The following PIWIL3 variants were observed in gnomAD, a reference collection of about 807,000 sequenced individuals.
PIWIL3 encodes piwi like RNA-mediated gene silencing 3, also known as piwi-like protein 3.
PIWIL3 carries 101 observed loss-of-function variants against 109.7 expected under a neutral mutation model. That is an observed-to-expected ratio of 0.92 (90% CI 0.78 to 1.09). The LOEUF is 1.09. PIWIL3 is among the 50% of genes least tolerant of loss of function. The probability of loss-of-function intolerance (pLI) is 0.00; values close to 1 mark genes in which losing one functional copy is unlikely to be tolerated. For synonymous variants in PIWIL3, 373 were observed against 376.4 expected, an observed-to-expected ratio of 0.99 and a Z score of 0.10; for missense variants, 1,031 against 1,072.6, an observed-to-expected ratio of 0.96 and a Z score of 0.54.
chr22:24,727,939 A>C lies in PIWIL3; in HGVS notation c.2009+11T>G, dbSNP rs1923092399. 1 of 1,594,030 alleles carries C rather than the reference A, an allele frequency of 6.3e-7. No individual in the cohort carries two copies. The highest frequency in any genetic ancestry group is 8.6e-7 in the Non-Finnish European group (1 of 1,164,478). ...GCTACTAACTAAACATGTCTACCAGAGCTTACTTACTTTGTTAATTCAGCA... is the reference window on the plus strand; with the variant it reads ...GCTACTAACTAAACATGTCTACCAGCGCTTACTTACTTTGTTAATTCAGCA... On this transcript the variant is annotated intron_variant, in intron 16 of 20. Transcript: ENST00000616349.
intron 4 of PIWIL3, among the ~76,000 whole-genome samples, chr22:24,757,315 A>G (rs930076866): frequency 7.9e-5 from 12 of 152,044 alleles, no homozygotes; most frequent in Non-Finnish European, 1.8e-4. Flanking sequence ...AATTTTAAAA[A>G]AAGTCTCACT....
chr22:24,763,586 C>A (rs892789475), intron 1 of PIWIL3, among the ~76,000 whole-genome samples: 13 of 152,164 alleles, frequency 8.5e-5, no homozygotes, highest in Non-Finnish European at 1.5e-4. Context: ...GGGCGTGAAC[C>A]ACCGTGCTCG....
chr22:24,732,363 C>T (rs1039517926), intron 14 of PIWIL3, among the ~76,000 whole-genome samples: 3 of 152,126 alleles, frequency 2.0e-5, no homozygotes, highest in South Asian at 4.1e-4. Flanking sequence ...ATTGTGGACA[C>T]GCTTCCCCCA....
chr22:24,756,561 C>T lies in PIWIL3; in HGVS notation c.500G>A (p.Arg167Lys), dbSNP rs1388608597. 1 of 1,613,998 alleles carries T rather than the reference C, an allele frequency of 6.2e-7. No homozygotes were observed. Among genetic ancestry groups the T allele is most frequent in the Non-Finnish European group, 8.5e-7 (1 of 1,180,004 alleles). The change falls in exon 5 of 21, where the codon AGA becomes AAA. Residue 167 changes from arginine to lysine, a missense_variant. Physicochemically the swap from Arg to Lys is conservative, Grantham distance 26. Coordinates refer to ENST00000616349, the MANE Select transcript of PIWIL3 (RefSeq NM_001255975.1). ...TATATGGCGCTCTCCAAATTTCCTT[C>T]TATGTTGATCAAGTAAAATTGTACG... ...NLRTILLDQH[R>K]RKFGERHIFD...
At chr22:24,725,589 G>T in intron 16 of PIWIL3, 74 bp from the exon 17 acceptor site, 1 of 1,427,168 alleles carries the variant, frequency 7.0e-7, no homozygotes, top group Non-Finnish European at 9.8e-7. Flanking sequence ...TAATCTATGG[G>T]CAAAAAATAT....
chr22:24,756,648 G>T lies in PIWIL3; in HGVS notation c.413C>A (p.Pro138His). The change falls in exon 5 of 21, where the codon CCT becomes CAT. Residue 138 changes from proline (P) to histidine (H), a missense_variant. By Grantham distance (77) the Pro-to-His change is moderately conservative. Transcript: ENST00000616349. ...LANHFRVISR[P>H]QWVAYKYNVD... ...GTTGTATTTATATGCAACCCACTGA[G>T]GACGAGATATCACTCGGAAGTGGTT... 1.9e-6 allele frequency: 3 copies of T among 1,614,118 alleles called. No homozygotes were observed. The highest frequency in any genetic ancestry group is 1.7e-6 in the Non-Finnish European group (2 of 1,180,000).
intron 14 of PIWIL3, among the ~76,000 whole-genome samples, chr22:24,733,206 A>G (rs1178813059): frequency 6.6e-6 from 1 of 152,230 alleles, no homozygotes; most frequent in Non-Finnish European, 1.5e-5. Context: ...TTCTGGTTTC[A>G]TGGTCAAGAA....
intron 1 of PIWIL3, among the ~76,000 whole-genome samples, chr22:24,771,217 C>CT (rs1926115529): frequency 6.6e-6 from 1 of 151,886 alleles, no homozygotes; most frequent in Admixed American, 6.6e-5. Flanking sequence ...AATCCCAACA[C>CT]TTTGGGAGGC....
At position 24,729,292 on chromosome 22, in the gene PIWIL3, G is replaced by A. The variant is rs1282761031; in HGVS notation, c.1708-918C>T. Among the ~76,000 whole-genome samples, 3 of 152,190 alleles carry A rather than the reference G, an allele frequency of 2.0e-5. 1 individual carries two copies. The highest frequency in any genetic ancestry group is 7.2e-5 in the African/African-American group (3 of 41,526). On this transcript the variant is annotated intron_variant, in intron 14 of 20. Coordinates refer to ENST00000616349, the MANE Select transcript of PIWIL3 (RefSeq NM_001255975.1). ...CTTTTGCTCCAACCTTACTCTTGGT[G>A]TCCACACTCCTAAATTTTCTTGGCC... is the stretch of plus-strand genomic sequence containing the variant.
chr22:24,745,736 A>AAAG (rs75875918), intron 12 of PIWIL3, among the ~76,000 whole-genome samples: 1 of 150,414 alleles, frequency 6.6e-6, no homozygotes, highest in Non-Finnish European at 1.5e-5. Context: ...AAAAAAAAAA[A>AAAG]AAGAAGATCC....
rs774861102 is a variant in PIWIL3, at chr22:24,757,869, C to T, written c.355+39G>A. ...AAAAAAAAAAAAAAAAAGTTAAAAA[C>T]GAACAGCTCCATAAACATTGAGTTC... On this transcript the variant is annotated intron_variant, in intron 4 of 20. Transcript: ENST00000616349. 1.7e-5 allele frequency: 26 copies of T among 1,509,864 alleles called. No individual in the cohort carries two copies. The Admixed American group carries it at 3.5e-4, about 20-fold the overall frequency. 93.5% of individuals were successfully genotyped at this position (1,509,864 alleles called of 1,614,324 possible).
intron 1 of PIWIL3, among the ~76,000 whole-genome samples, chr22:24,764,507 G>A (rs1436144221): frequency 6.6e-6 from 1 of 152,158 alleles, no homozygotes; most frequent in African/African-American, 2.4e-5. Flanking sequence ...AGGTGGATCC[G>A]CTGTCATGGG....
intron 14 of PIWIL3, among the ~76,000 whole-genome samples, chr22:24,729,933 C>CTTTTTT (rs77524370): frequency 4.8e-5 from 6 of 125,894 alleles, no homozygotes; most frequent in East Asian, 2.3e-4. Context: ...TCTACTTTTT[C>CTTTTTT]TTTTTTTTTT....
rs1057383061 is a variant in PIWIL3 at position 24,774,699 on chromosome 22, C to G, written c.-400G>C. 1 of 151,716 alleles carries G rather than the reference C, an allele frequency of 6.6e-6. No homozygotes were observed. Among genetic ancestry groups the G allele is most frequent in the Admixed American group, 6.6e-5 (1 of 15,156 alleles). 9.4% of individuals were successfully genotyped at this position (151,716 alleles called of 1,614,324 possible). ...GCGGGCACCTGTAGTCCCAGCTACT[C>G]GGGAGGCTGAGGCAGCAAAATGGCG... On this transcript the variant is annotated 5_prime_UTR_variant, in exon 1 of 21. Coordinates refer to ENST00000616349, the MANE Select transcript of PIWIL3 (RefSeq NM_001255975.1).
At chr22:24,750,646 G>A (rs1183943405) in intron 9 of PIWIL3, among the ~76,000 whole-genome samples, 1 of 150,712 alleles carries the variant, frequency 6.6e-6, no homozygotes, top group African/African-American at 2.4e-5. Context: ...GTGCCACCAT[G>A]CCCGGCTAAT....
At chr22:24,736,731 C>T (rs1923680610) in intron 12 of PIWIL3, among the ~76,000 whole-genome samples, 1 of 152,190 alleles carries the variant, frequency 6.6e-6, no homozygotes, top group Admixed American at 6.5e-5. Context: ...CTTCTCCCAC[C>T]CCTGCATGGT....
At chr22:24,751,231 C>T (rs763815212) in intron 9 of PIWIL3, among the ~76,000 whole-genome samples, 156 bp downstream of exon 9, 6 of 151,908 alleles carry the variant, frequency 3.9e-5, no homozygotes, top group Non-Finnish European at 7.4e-5. Context: ...ATACAAGGCA[C>T]GTGGATGCAT....
At chr22:24,763,359 G>C (rs761955155) in intron 1 of PIWIL3, among the ~76,000 whole-genome samples, 3 of 152,072 alleles carry the variant, frequency 2.0e-5, no homozygotes, top group Non-Finnish European at 2.9e-5. Flanking sequence ...GGAGTGCAGC[G>C]GGGAAATCTC....
At position 24,721,119 on chromosome 22, in the gene PIWIL3, C is replaced by CT. The variant is rs1443863467; in HGVS notation, c.2358-1225dup. 3.9e-5 allele frequency among the ~76,000 whole-genome samples: 6 copies of CT among 152,128 alleles called. No homozygotes were observed. The East Asian group carries it at 9.6e-4, about 24-fold the overall frequency. The stretch of plus-strand genomic sequence containing the variant: ...CTCTCTCAGTGAGTATCTGGTGGAT[C>CT]TGTTAATGTATATACTGTATAGGCA... On this transcript the variant is annotated intron_variant, in intron 19 of 20. Coordinates refer to ENST00000616349, the MANE Select transcript of PIWIL3 (RefSeq NM_001255975.1).
Sources: allele counts gnomAD v4.1 joint callset (sites outside exome capture counted in the v4.1 genomes callset), GRCh38; gene constraint gnomAD v4.1.1; transcripts MANE v1.5; gene names NCBI Gene and HGNC (gene_info 2026-07-23, HGNC 2026-07-21).